The following LRRTM4 variants were observed in gnomAD, a reference collection of about 807,000 sequenced individuals.
LRRTM4 encodes the protein leucine-rich repeat transmembrane neuronal protein 4.
A neutral mutation model predicts 47.6 loss-of-function variants in LRRTM4; 25 were observed. That is an observed-to-expected ratio of 0.53 (90% CI 0.38 to 0.73). The LOEUF (loss-of-function observed/expected upper bound fraction) is 0.73. Ranked by LOEUF, LRRTM4 falls within the 30% of genes least tolerant of loss-of-function variation. LRRTM4 has a pLI of 0.00. For synonymous variants in LRRTM4, 311 were observed against 269.5 expected (o/e 1.15, Z -1.51); for missense variants, 638 against 713.4 (o/e 0.89, Z 1.20).
chr2:77,299,384 T>C (rs1032400796), intron 3 of LRRTM4, among the ~76,000 whole-genome samples: 5 of 151,626 alleles, frequency 3.3e-5, no homozygotes, highest in Non-Finnish European at 5.9e-5. Flanking sequence ...TACGTATATA[T>C]GTGTGTATAT....
intron 3 of LRRTM4, among the ~76,000 whole-genome samples, chr2:77,191,384 C>G (rs1209166369): frequency 6.6e-6 from 1 of 151,874 alleles, no homozygotes; most frequent in Non-Finnish European, 1.5e-5. Context: ...CTGATGACTA[C>G]ATAAAAACTG....
intron 3 of LRRTM4, among the ~76,000 whole-genome samples, chr2:76,752,649 G>T (rs529480628): frequency 6.6e-6 from 1 of 152,200 alleles, no homozygotes; most frequent in East Asian, 1.9e-4. Flanking sequence ...TATTCTATAG[G>T]GCACTATGTA....
At chr2:77,473,496 C>G (rs1677267774) in intron 3 of LRRTM4, among the ~76,000 whole-genome samples, 1 of 151,738 alleles carries the variant, frequency 6.6e-6, no homozygotes, top group African/African-American at 2.4e-5. Flanking sequence ...GCCTTTTTTT[C>G]CCCCTTTCTA....
At chr2:77,332,023 A>T (rs1437745291) in intron 3 of LRRTM4, among the ~76,000 whole-genome samples, 1 of 152,178 alleles carries the variant, frequency 6.6e-6, no homozygotes, top group Non-Finnish European at 1.5e-5. Context: ...GCAAAGTGAC[A>T]GATATTATCA....
At chr2:77,351,992 CAT>C (rs1371880308) in intron 3 of LRRTM4, among the ~76,000 whole-genome samples, 7 of 152,180 alleles carry the variant, frequency 4.6e-5, no homozygotes, top group South Asian at 2.1e-4. Flanking sequence ...ACCTTCATCA[CAT>C]GTTTGAAATA....
intron 3 of LRRTM4, among the ~76,000 whole-genome samples, chr2:77,476,964 A>ATGTGAGTG (rs1553448910): frequency 5.6e-5 from 8 of 143,798 alleles, no homozygotes; most frequent in Non-Finnish European, 3.1e-5. Context: ...TTTGTAAGAG[A>ATGTGAGTG]TGTGTGTGTG....
chr2:77,051,130 G>A (rs1017877967), intron 3 of LRRTM4, among the ~76,000 whole-genome samples: 1 of 151,658 alleles, frequency 6.6e-6, no homozygotes, highest in Non-Finnish European at 1.5e-5. Context: ...TTGATAGTTA[G>A]GATATGGAGG....
chr2:77,156,707 C>CT (rs550760078), intron 3 of LRRTM4, among the ~76,000 whole-genome samples: 2,292 of 136,168 alleles, frequency 0.017, 25 homozygotes, highest in African/African-American at 0.033. Flanking sequence ...GAGCCTTCAA[C>CT]TTTTTTTTTT....
At chr2:77,438,897 CTGTAA>C (rs1675718665) in intron 3 of LRRTM4, among the ~76,000 whole-genome samples, 1 of 152,138 alleles carries the variant, frequency 6.6e-6, no homozygotes, top group Non-Finnish European at 1.5e-5. Flanking sequence ...TCAAAACTTT[CTGTAA>C]AGCATCAGAT....
At chr2:76,811,296 C>A (rs141120488) in intron 3 of LRRTM4, among the ~76,000 whole-genome samples, 8 of 152,076 alleles carry the variant, frequency 5.3e-5, no homozygotes, top group African/African-American at 1.7e-4. Context: ...ACATTAGCAC[C>A]CTGTAGGTCT....
At chr2:76,988,662 T>C (rs1446720) in intron 3 of LRRTM4, among the ~76,000 whole-genome samples, 51,523 of 151,554 alleles carry the variant, frequency 0.34, 9,498 homozygotes, top group East Asian at 0.55. Flanking sequence ...TTACATTGCA[T>C]ATATTATAGT....
chr2:76,898,761 G>C (rs1673513113), intron 3 of LRRTM4, among the ~76,000 whole-genome samples: 2 of 150,940 alleles, frequency 1.3e-5, no homozygotes, highest in East Asian at 3.9e-4. Context: ...AAAAGGTATA[G>C]AAGATATATA....
At chr2:77,328,805 A>G (rs1448272295) in intron 3 of LRRTM4, among the ~76,000 whole-genome samples, 1 of 152,172 alleles carries the variant, frequency 6.6e-6, no homozygotes, top group Non-Finnish European at 1.5e-5. Flanking sequence ...AATTGAAACA[A>G]GCTGACAAAT....
intron 3 of LRRTM4, among the ~76,000 whole-genome samples, chr2:77,398,022 T>A (rs958319749): frequency 1.3e-5 from 2 of 151,876 alleles, no homozygotes; most frequent in African/African-American, 4.8e-5. Context: ...ATATGTCATC[T>A]ACCCGTTAGG....
At chr2:76,871,899 C>T (rs1672634366) in intron 3 of LRRTM4, among the ~76,000 whole-genome samples, 1 of 152,158 alleles carries the variant, frequency 6.6e-6, no homozygotes, top group Non-Finnish European at 1.5e-5. Flanking sequence ...GGAAGTGAAT[C>T]CTTTCAACAC....
chr2:77,369,145 G>A (rs1672563838), intron 3 of LRRTM4, among the ~76,000 whole-genome samples: 1 of 151,544 alleles, frequency 6.6e-6, no homozygotes, highest in Non-Finnish European at 1.5e-5. Flanking sequence ...ATTATCTTTG[G>A]AAAAATGCAT....
rs139108783 is a variant in LRRTM4, at chr2:77,166,067, G to A, written c.1551+352251C>T. Among the ~76,000 whole-genome samples the A allele has an allele frequency of 6.6e-4, 101 of 152,236 alleles. 2 individuals carry two copies. The East Asian group carries it at 0.013, about 20-fold the overall frequency. On this transcript the variant is annotated intron_variant, in intron 3 of 3. Transcript: ENST00000409884. ...GATTGTATATGTAGAAAACTCCATC[G>A]TCTTAGCCCAAAATCTTAAGCTGAT... is the stretch of plus-strand genomic sequence containing the variant.
intron 3 of LRRTM4, among the ~76,000 whole-genome samples, chr2:77,347,116 T>C (rs1671593571): frequency 6.6e-6 from 1 of 152,156 alleles, no homozygotes; most frequent in Non-Finnish European, 1.5e-5. Flanking sequence ...GTCTCTGATT[T>C]GATAACACTT....
chr2:77,475,912 T>C (rs1419512329), intron 3 of LRRTM4, among the ~76,000 whole-genome samples: 2 of 151,968 alleles, frequency 1.3e-5, no homozygotes, highest in Non-Finnish European at 2.9e-5. Flanking sequence ...ATTTAAGATA[T>C]ATGACATTTT....
Sources: allele counts gnomAD v4.1 joint callset (sites outside exome capture counted in the v4.1 genomes callset), GRCh38; gene constraint gnomAD v4.1.1; transcripts MANE v1.5; gene names NCBI Gene and HGNC (gene_info 2026-07-23, HGNC 2026-07-21).